RBFOX1: variants seen among roughly 807,000 people sequenced by gnomAD.
RBFOX1 encodes RNA binding protein fox-1 homolog 1.
A neutral mutation model predicts 57.7 loss-of-function variants in RBFOX1; 8 were observed. That is an observed-to-expected ratio of 0.14 (90% CI 0.08 to 0.25). The LOEUF is 0.25. Ranked by LOEUF, RBFOX1 falls within the 10% of genes least tolerant of loss-of-function variation. RBFOX1 has a pLI of 1.00. For missense variants in RBFOX1, 611 were observed against 548.5 expected, an observed-to-expected ratio of 1.11 and a Z score of -1.14; for synonymous variants, 326 against 222.4, an observed-to-expected ratio of 1.47 and a Z score of -4.15.
intron 5 of RBFOX1, among the ~76,000 whole-genome samples, chr16:7,551,110 A>T (rs1014544788): frequency 6.6e-6 from 1 of 150,940 alleles, no homozygotes; most frequent in Non-Finnish European, 1.5e-5. Flanking sequence ...AAAAAAGAAA[A>T]AAAAAGAATA....
At chr16:7,052,000 A>G in intron 3 of RBFOX1, 57 bp from the exon 4 acceptor site, 2 of 1,588,548 alleles carry the variant, frequency 1.3e-6, no homozygotes, top group Non-Finnish European at 1.7e-6. Flanking sequence ...GTTTTCTTTC[A>G]TGTTTTTCTG....
At chr16:5,955,762 G>C (rs1267174286) in intron 4 of RBFOX1, among the ~76,000 whole-genome samples, 1 of 152,150 alleles carries the variant, frequency 6.6e-6, no homozygotes, top group Non-Finnish European at 1.5e-5. Context: ...ATTAGTATCA[G>C]TCAATAAGAA....
intron 2 of RBFOX1, among the ~76,000 whole-genome samples, chr16:6,468,217 C>T (rs1277783365): frequency 6.6e-6 from 1 of 152,082 alleles, no homozygotes; most frequent in Non-Finnish European, 1.5e-5. Flanking sequence ...GCTATTTGGC[C>T]TATGTCTCTT....
At chr16:6,756,411 G>T (rs980458041) in intron 3 of RBFOX1, among the ~76,000 whole-genome samples, 1 of 152,104 alleles carries the variant, frequency 6.6e-6, no homozygotes, top group Admixed American at 6.5e-5. Context: ...CCTAGGCAAA[G>T]ATTTTATGGC....
intron 3 of RBFOX1, among the ~76,000 whole-genome samples, chr16:6,960,829 G>A (rs116265116): frequency 0.054 from 8,280 of 151,998 alleles, 267 homozygotes; most frequent in East Asian, 0.084. Flanking sequence ...CCCAAACAAA[G>A]TCAAAGAGAT....
chr16:7,317,242 C>T (rs928528077), intron 4 of RBFOX1, among the ~76,000 whole-genome samples: 13 of 152,072 alleles, frequency 8.5e-5, no homozygotes, highest in African/African-American at 3.1e-4. Context: ...ATCCCCGAAG[C>T]TGATGTTCAG....
intron 4 of RBFOX1, among the ~76,000 whole-genome samples, chr16:7,437,251 C>CT (rs2098729670): frequency 4.7e-5 from 2 of 42,940 alleles, no homozygotes; most frequent in Admixed American, 4.4e-4. Context: ...ATTATCTTTG[C>CT]CCCCCCCCCC....
intron 1 of RBFOX1, among the ~76,000 whole-genome samples, chr16:6,074,019 G>C (rs754583896): frequency 6.6e-6 from 1 of 152,068 alleles, no homozygotes; most frequent in African/African-American, 2.4e-5. Context: ...TGCAATCTCA[G>C]CTCACTGCAA....
At chr16:7,295,276 A>G (rs941398060) in intron 4 of RBFOX1, among the ~76,000 whole-genome samples, 41 of 152,214 alleles carry the variant, frequency 2.7e-4, no homozygotes, top group African/African-American at 8.7e-4. Context: ...ATTTAAAAAA[A>G]CTTTACAAAA....
At chr16:6,681,046 C>T (rs969966468) in intron 3 of RBFOX1, among the ~76,000 whole-genome samples, 1 of 152,156 alleles carries the variant, frequency 6.6e-6, no homozygotes, top group African/African-American at 2.4e-5. Flanking sequence ...CATGATGGCT[C>T]ACACCCATAA....
At position 7,145,717 on chromosome 16, in the gene RBFOX1, C is replaced by G. The variant is rs1567445526; in HGVS notation, c.27+93619C>G. On this transcript the variant is annotated intron_variant, in intron 4 of 15. Transcript: ENST00000550418. ...GGGTCTTGAAATTTAAAAAATGTATCTTTAAGCTTGACATCTCCCAGTGGT... is the reference window on the plus strand; with the variant it reads ...GGGTCTTGAAATTTAAAAAATGTATGTTTAAGCTTGACATCTCCCAGTGGT... Among the ~76,000 whole-genome samples the G allele has an allele frequency of 2.0e-5, 3 of 152,150 alleles. No individual in the cohort carries two copies. The East Asian group carries it at 5.8e-4, about 29-fold the overall frequency.
chr16:5,365,931 A>G (rs1433678106), intron 1 of RBFOX1: 4 of 495,062 alleles, frequency 8.1e-6, no homozygotes, highest in South Asian at 1.5e-5. Flanking sequence ...ATCTTTAAGA[A>G]TGGTCAGTTT....
chr16:5,818,232 C>A (rs1424402982), intron 3 of RBFOX1, among the ~76,000 whole-genome samples: 1 of 152,170 alleles, frequency 6.6e-6, no homozygotes, highest in Non-Finnish European at 1.5e-5. Flanking sequence ...TGCCTCCAGG[C>A]ATTGTGTACC....
At chr16:7,625,168 C>T (rs1385833482) in intron 10 of RBFOX1, among the ~76,000 whole-genome samples, 1 of 151,952 alleles carries the variant, frequency 6.6e-6, no homozygotes, top group African/African-American at 2.4e-5. Flanking sequence ...TGTGTAAATG[C>T]GGGTCGCCAT....
intron 3 of RBFOX1, among the ~76,000 whole-genome samples, chr16:5,634,882 C>T (rs936757944): frequency 1.3e-5 from 2 of 152,188 alleles, no homozygotes; most frequent in Non-Finnish European, 2.9e-5. Flanking sequence ...TCTTTTTACT[C>T]ACAAGTGTTT....
upstream of RBFOX1, among the ~76,000 whole-genome samples, chr16:6,015,753 C>T (rs1012197456): frequency 6.6e-6 from 1 of 152,326 alleles, no homozygotes; most frequent in African/African-American, 2.4e-5. Flanking sequence ...ACGATCTTCT[C>T]TAGAATGCTT....
At chr16:5,984,540 A>T (rs2060243690) in intron 4 of RBFOX1, among the ~76,000 whole-genome samples, 1 of 152,104 alleles carries the variant, frequency 6.6e-6, no homozygotes, top group African/African-American at 2.4e-5. Context: ...GACAGGAATT[A>T]CTTACCTAAC....
At chr16:5,766,650 C>G (rs11076963) in intron 3 of RBFOX1, among the ~76,000 whole-genome samples, 31,193 of 152,108 alleles carry the variant, frequency 0.21, 3,731 homozygotes, top group East Asian at 0.43. Flanking sequence ...ACCATGAGGA[C>G]AGCACCAAGA....
intron 2 of RBFOX1, among the ~76,000 whole-genome samples, chr16:6,580,335 A>G (rs1600494706): frequency 6.6e-6 from 1 of 152,296 alleles, no homozygotes; most frequent in East Asian, 1.9e-4. Context: ...TTTGCTGATA[A>G]CTATTTCCAG....
Sources: gnomAD v4.1 joint callset for allele counts (sites outside exome capture counted in the v4.1 genomes callset) on GRCh38, gnomAD v4.1.1 for gene constraint, MANE v1.5 for transcripts, NCBI Gene and HGNC (gene_info 2026-07-23, HGNC 2026-07-21) for gene names.